The following VTA1 variants were observed in gnomAD, a reference collection of about 807,000 sequenced individuals.
VTA1 encodes the protein vesicle trafficking 1.
VTA1 carries 24 observed loss-of-function variants against 36.9 expected under a neutral mutation model. The ratio of observed to expected loss-of-function variants is 0.65; its 90% CI spans 0.47 to 0.91. The LOEUF (loss-of-function observed/expected upper bound fraction) is 0.91. Among genes scored for constraint, VTA1 ranks in the 40% least tolerant of loss-of-function variants. VTA1 has a pLI of 0.00. For synonymous variants in VTA1, 142 were observed against 130.2 expected, an observed-to-expected ratio of 1.09 and a Z score of -0.62; for missense variants, 393 against 377.2, an observed-to-expected ratio of 1.04 and a Z score of -0.35.
chr6:142,149,640 C>T (rs1407709420), intron 1 of VTA1, among the ~76,000 whole-genome samples: 1 of 152,134 alleles, frequency 6.6e-6, no homozygotes, highest in African/African-American at 2.4e-5. Flanking sequence ...TAAATATCTT[C>T]TCCCATTTCA....
intron 1 of VTA1, among the ~76,000 whole-genome samples, chr6:142,158,107 T>G (rs1198267167): frequency 2.0e-5 from 3 of 150,022 alleles, no homozygotes; most frequent in African/African-American, 7.3e-5. Context: ...TACCTATCAG[T>G]ATGGAAAGTT....
intron 1 of VTA1, among the ~76,000 whole-genome samples, chr6:142,148,650 A>AC (rs1562252394): frequency 6.6e-6 from 1 of 152,180 alleles, no homozygotes. Context: ...AGTCTATCAT[A>AC]CATAGAGTAT....
intron 7 of VTA1, among the ~76,000 whole-genome samples, chr6:142,207,557 T>G (rs1191629136): frequency 6.6e-6 from 1 of 151,656 alleles, no homozygotes; most frequent in East Asian, 1.9e-4. Flanking sequence ...CATTCAGCGC[T>G]CCAAACATTT....
At chr6:142,185,470 C>T (rs1775322459) in intron 4 of VTA1, among the ~76,000 whole-genome samples, 1 of 151,990 alleles carries the variant, frequency 6.6e-6, no homozygotes, top group Non-Finnish European at 1.5e-5. Context: ...ATTGCTGGAG[C>T]ATAGGTTAAT....
rs73574212 is a variant in VTA1 at position 142,176,314 on chromosome 6, T to G, written c.411+5893T>G. The stretch of plus-strand genomic sequence containing the variant: ...TCTTATATATGGAGTTTTTGCTATT[T>G]GAGGGAATGAGATGAATATGTTTTC... On this transcript the variant is annotated intron_variant, in intron 4 of 7. Transcript: ENST00000367630. 8.6e-3 allele frequency among the ~76,000 whole-genome samples: 1,305 copies of G among 152,336 alleles called. 21 individuals carry two copies. Among genetic ancestry groups the G allele is most frequent in the African/African-American group, 0.03 (1,235 of 41,584 alleles).
chr6:142,184,136 C>T (rs1775297265), intron 4 of VTA1, among the ~76,000 whole-genome samples: 2 of 152,126 alleles, frequency 1.3e-5, no homozygotes, highest in Admixed American at 6.5e-5. Context: ...TAGTTTTCTT[C>T]GTAACTACCA....
At chr6:142,185,466 G>A (rs1342929709) in intron 4 of VTA1, among the ~76,000 whole-genome samples, 2 of 152,092 alleles carry the variant, frequency 1.3e-5, no homozygotes, top group Admixed American at 1.3e-4. Flanking sequence ...TTTCATTGCT[G>A]GAGCATAGGT....
intron 1 of VTA1, among the ~76,000 whole-genome samples, chr6:142,162,121 A>G (rs545520610): frequency 6.6e-6 from 1 of 152,320 alleles, no homozygotes; most frequent in East Asian, 1.9e-4. Flanking sequence ...GTGTTTAACT[A>G]TTAGTTATCT....
chr6:142,206,756 C>T (rs1775799321), intron 7 of VTA1, among the ~76,000 whole-genome samples: 1 of 152,048 alleles, frequency 6.6e-6, no homozygotes, highest in African/African-American at 2.4e-5. Flanking sequence ...ACAAATAGAT[C>T]AGTGAGACAG....
chr6:142,157,915 C>T (rs1778694703), intron 1 of VTA1, among the ~76,000 whole-genome samples: 1 of 143,604 alleles, frequency 7.0e-6, no homozygotes, highest in Non-Finnish European at 1.5e-5. Flanking sequence ...TACTTGGTGA[C>T]CCTTAACAAG....
In VTA1 at chr6:142,193,126, A is replaced by C. The variant is rs532797732; in HGVS notation, c.520+3592A>C. Among the ~76,000 whole-genome samples, 10 of 152,152 alleles carry C rather than the reference A, an allele frequency of 6.6e-5. No individual in the cohort carries two copies. The South Asian group carries it at 2.1e-3, about 32-fold the overall frequency. The stretch of plus-strand genomic sequence containing the variant: ...TCTGGAGTAGCTCCCCAGGATTTCT[A>C]GTGTTTCTTTGCCTTGATGCTTTTG... On this transcript the variant is annotated intron_variant, in intron 5 of 7. Transcript: ENST00000367630.
chr6:142,187,912 C>CTTTTTTTTTTT (rs58131768), intron 4 of VTA1, among the ~76,000 whole-genome samples: 2 of 120,724 alleles, frequency 1.7e-5, no homozygotes, highest in Non-Finnish European at 3.4e-5. Context: ...TACTTTCTTT[C>CTTTTTTTTTTT]TTTTTTTTTT....
intron 4 of VTA1, among the ~76,000 whole-genome samples, chr6:142,173,027 G>A (rs909655555): frequency 6.6e-6 from 1 of 151,822 alleles, no homozygotes; most frequent in Non-Finnish European, 1.5e-5. Flanking sequence ...GTTGAGAGGT[G>A]GAAAACTGTA....
intron 4 of VTA1, among the ~76,000 whole-genome samples, chr6:142,186,808 A>G (rs1166745415): frequency 3.3e-5 from 5 of 152,128 alleles, no homozygotes; most frequent in Middle Eastern, 3.2e-3. Context: ...AGCTATGGGA[A>G]GGCATATGAA....
chr6:142,216,555 A>G (rs1776007678), intron 7 of VTA1, among the ~76,000 whole-genome samples: 1 of 152,134 alleles, frequency 6.6e-6, no homozygotes, highest in Non-Finnish European at 1.5e-5. Context: ...ATAATTGGTT[A>G]TGCATGTCTG....
intron 5 of VTA1, among the ~76,000 whole-genome samples, chr6:142,195,661 T>C (rs1775532058): frequency 6.6e-6 from 1 of 151,232 alleles, no homozygotes; most frequent in African/African-American, 2.4e-5. Flanking sequence ...TAAATTTTTC[T>C]TTTCTGATAG....
intron 1 of VTA1, among the ~76,000 whole-genome samples, chr6:142,149,793 G>C (rs1184182506): frequency 1.3e-5 from 2 of 152,136 alleles, no homozygotes; most frequent in South Asian, 2.1e-4. Flanking sequence ...TTGGGACTTT[G>C]GCTTTCTACA....
intron 1 of VTA1, among the ~76,000 whole-genome samples, chr6:142,160,876 A>G (rs758686745): frequency 2.0e-5 from 3 of 152,174 alleles, no homozygotes; most frequent in Non-Finnish European, 4.4e-5. Context: ...CCCAGTGATT[A>G]TCTTTTTATT....
chr6:142,169,956 C>G (rs1463204014), intron 3 of VTA1, among the ~76,000 whole-genome samples: 1 of 151,938 alleles, frequency 6.6e-6, no homozygotes, highest in East Asian at 1.9e-4. Context: ...TTGATTTTAG[C>G]CAAAATCACA....
Sources: allele counts gnomAD v4.1 joint callset (sites outside exome capture counted in the v4.1 genomes callset), GRCh38; gene constraint gnomAD v4.1.1; transcripts MANE v1.5; gene names NCBI Gene and HGNC (gene_info 2026-07-23, HGNC 2026-07-21).